The following CSF1R variants were observed in gnomAD, a reference collection of about 807,000 sequenced individuals.
CSF1R encodes the protein colony stimulating factor 1 receptor.
CSF1R carries 40 observed loss-of-function variants against 110.0 expected under a neutral mutation model. The observed-to-expected ratio is 0.36, with a 90% CI of 0.28 to 0.47. CSF1R has a LOEUF of 0.47. Ranked by LOEUF, CSF1R falls within the 20% of genes least tolerant of loss-of-function variation. CSF1R has a pLI of 0.99. For synonymous variants in CSF1R, 523 were observed against 503.4 expected, an observed-to-expected ratio of 1.04 and a Z score of -0.52; for missense variants, 1,052 against 1,253.0, an observed-to-expected ratio of 0.84 and a Z score of 2.42.
chr5:150,097,533 C>T (rs934652628), intron 1 of CSF1R, among the ~76,000 whole-genome samples: 2 of 151,680 alleles, frequency 1.3e-5, no homozygotes, highest in African/African-American at 2.4e-5. Context: ...ATAGAAAATG[C>T]CAAAGAATCT....
chr5:150,061,768 G>A lies in CSF1R; in HGVS notation c.1708C>T (p.Pro570Ser). 6.2e-7 allele frequency: 1 copy of A among 1,614,234 alleles called. No individual in the cohort carries two copies. The highest frequency in any genetic ancestry group is 8.5e-7 in the Non-Finnish European group (1 of 1,180,050). The change falls in exon 11 of 21, where the codon CCT (proline) becomes TCT (serine). Residue 570 changes from proline to serine, a missense_variant. Physicochemically the swap from Pro to Ser is moderately conservative, Grantham distance 74 (BLOSUM62 -1). This residue lies in a region of CSF1R where 693 missense variants were observed against 735.4 expected (regional missense o/e 0.94). Coordinates refer to ENST00000675795, the MANE Select transcript of CSF1R (RefSeq NM_001288705.3). Reference protein sequence around the residue: ...SYTFIDPTQLPYNEKWEFPRN... With the variant: ...SYTFIDPTQLSYNEKWEFPRN... ...GGGAACTCCCACTTCTCGTTGTAAG[G>A]CAGCTGCGTGGGGTCGATGAAAGTA... is the stretch of plus-strand genomic sequence containing the variant.
intron 5 of CSF1R, among the ~76,000 whole-genome samples, chr5:150,075,410 C>G (rs915697059): frequency 6.6e-6 from 1 of 152,106 alleles, no homozygotes; most frequent in African/African-American, 2.4e-5. Context: ...TTTTCTCACT[C>G]TCTCCCCGCA....
chr5:150,064,427 G>A (rs979241803), intron 10 of CSF1R, among the ~76,000 whole-genome samples: 1 of 152,226 alleles, frequency 6.6e-6, no homozygotes, highest in South Asian at 2.1e-4. Flanking sequence ...TCCAGGCTCT[G>A]ATTCGGAAGG....
chr5:150,059,895 T>G lies in CSF1R; in HGVS notation c.1970-33A>C, dbSNP rs3733671. On this transcript the variant is annotated intron_variant, in intron 13 of 20. Coordinates refer to ENST00000675795, the MANE Select transcript of CSF1R (RefSeq NM_001288705.3). ...AGCCAAGGGTGTGGGGTGAGGGAGG[T>G]GCTGAGTGCTCCCCTCCATGAACAG... The G allele has an allele frequency of 0.051, 80,135 of 1,584,948 alleles. 2,714 individuals carry two copies. Among genetic ancestry groups the G allele is most frequent in the African/African-American group, 0.13 (9,565 of 74,198 alleles).
Position 150,076,878 on chromosome 5 carries a change from G to A in CSF1R, c.889+398C>T, listed in dbSNP as rs1226035995. 3 of 255,904 alleles carry A rather than the reference G, an allele frequency of 1.2e-5. No individual in the cohort carries two copies. In the East Asian group the frequency reaches 2.9e-4, roughly 24 times the overall value. 15.9% of individuals were successfully genotyped at this position (255,904 alleles called of 1,614,324 possible). ...CACCTTCTCGAAGCCTGGGTTGGGG[G>A]GACTCTTCAGTGTTCCCAGGACACC... On this transcript the variant is annotated intron_variant, in intron 5 of 20. Transcript: ENST00000675795.
intron 5 of CSF1R, among the ~76,000 whole-genome samples, chr5:150,076,340 ATC>A: frequency 7.1e-6 from 1 of 140,428 alleles, no homozygotes; most frequent in South Asian, 2.1e-4. Context: ...CTATCTATCT[ATC>A]TATCTATCTA....
chr5:150,061,663 C>T, intron 11 of CSF1R, 60 bp downstream of exon 11: 5 of 1,614,130 alleles, frequency 3.1e-6, no homozygotes, highest in Non-Finnish European at 4.2e-6. Context: ...CCCATGGGCT[C>T]CCTGCAACCC....
intron 14 of CSF1R, 80 bp from the exon 15 acceptor site, chr5:150,057,672 C>A: frequency 9.8e-7 from 1 of 1,022,108 alleles, no homozygotes; most frequent in Non-Finnish European, 1.5e-6. Flanking sequence ...CCACCCACCA[C>A]CCCATGGTCA....
At chr5:150,092,043 A>T (rs1030772939) in intron 1 of CSF1R, among the ~76,000 whole-genome samples, 1 of 152,090 alleles carries the variant, frequency 6.6e-6, no homozygotes, top group African/African-American at 2.4e-5. Flanking sequence ...ACATTGAAAA[A>T]TTTTTTTCCT....
At chr5:150,079,021 C>T (rs900130551) in intron 3 of CSF1R, among the ~76,000 whole-genome samples, 1 of 152,224 alleles carries the variant, frequency 6.6e-6, no homozygotes, top group African/African-American at 2.4e-5. Flanking sequence ...AGCAAGATGC[C>T]TGATGCACAG....
intron 3 of CSF1R, 35 bp from the exon 4 acceptor site, chr5:150,078,283 C>T (rs1196717735): frequency 6.2e-7 from 1 of 1,611,996 alleles, no homozygotes. Context: ...AACACCCAGG[C>T]TCCCTGAACA....
intron 19 of CSF1R, chr5:150,054,773 G>A (rs1203128624): frequency 1.6e-5 from 4 of 255,946 alleles, no homozygotes; most frequent in East Asian, 8.1e-5. Flanking sequence ...GATTGCATAA[G>A]GCCAGGAGTT....
upstream of CSF1R, among the ~76,000 whole-genome samples, chr5:150,087,136 C>T (rs1034160189): frequency 2.0e-5 from 3 of 152,136 alleles, no homozygotes; most frequent in Non-Finnish European, 4.4e-5. Context: ...CAAATTGAAT[C>T]GGAGGGCACC....
intron 1 of CSF1R, among the ~76,000 whole-genome samples, chr5:150,084,279 G>T (rs540858709): frequency 9.4e-4 from 141 of 150,368 alleles, no homozygotes; most frequent in African/African-American, 3.3e-3. Context: ...GCAGTGAGCC[G>T]AGATCCATGC....
intron 6 of CSF1R, among the ~76,000 whole-genome samples, chr5:150,070,964 G>A (rs1758007370): frequency 6.6e-6 from 1 of 152,220 alleles, no homozygotes; most frequent in Non-Finnish European, 1.5e-5. Context: ...ACAAGAGGCA[G>A]GATGTAGGGC....
intron 1 of CSF1R, among the ~76,000 whole-genome samples, chr5:150,083,945 C>G (rs1758681681): frequency 6.6e-6 from 1 of 152,170 alleles, no homozygotes; most frequent in Non-Finnish European, 1.5e-5. Flanking sequence ...ATATTAAAGC[C>G]CTCGAATTCA....
Position 150,055,275 on chromosome 5 carries a change from T to C in CSF1R, c.2616A>G (p.Gly872=). The part of the protein sequence containing the change: ...NSKFYKLVKD[G]YQMAQPAFAP... Reference sequence around the variant, plus strand: ...CAAATGCAGGCTGGGCCATTTGGTATCCATCCTTCACCAGTTTATAGAACT... The same window carrying C: ...CAAATGCAGGCTGGGCCATTTGGTACCCATCCTTCACCAGTTTATAGAACT... The change falls in exon 19 of 21, where the codon GGA becomes GGG. Residue 872 remains glycine, a synonymous_variant. Coordinates refer to ENST00000675795, the MANE Select transcript of CSF1R (RefSeq NM_001288705.3). 2 of 1,614,228 alleles carry C rather than the reference T, an allele frequency of 1.2e-6. No homozygotes were observed. Among genetic ancestry groups the C allele is most frequent in the South Asian group, 2.2e-5 (2 of 91,082 alleles).
At chr5:150,090,458 C>T (rs576283150), upstream of CSF1R, among the ~76,000 whole-genome samples, 1 of 152,298 alleles carries the variant, frequency 6.6e-6, no homozygotes, top group South Asian at 2.1e-4. Context: ...CCCCAAACCC[C>T]TTACACCAAA....
intron 1 of CSF1R, among the ~76,000 whole-genome samples, chr5:150,097,002 A>G (rs1248320639): frequency 1.3e-5 from 2 of 152,176 alleles, no homozygotes; most frequent in South Asian, 2.1e-4. Context: ...GTGACTCACA[A>G]TGTAAGCTCA....
Sources: gnomAD v4.1 joint callset for allele counts (sites outside exome capture counted in the v4.1 genomes callset) on GRCh38, gnomAD v4.1.1 for gene constraint, gnomAD v4.1.1 regional missense constraint, MANE v1.5 for transcripts, NCBI Gene and HGNC (gene_info 2026-07-23, HGNC 2026-07-21) for gene names.